The following PIP5K1B variants were observed in gnomAD, a reference collection of about 807,000 sequenced individuals.
PIP5K1B encodes phosphatidylinositol-4-phosphate 5-kinase type 1 beta, also known as phosphatidylinositol 4-phosphate 5-kinase type-1 beta.
PIP5K1B carries 42 observed loss-of-function variants against 67.0 expected under a neutral mutation model. The observed-to-expected ratio is 0.63, with a 90% CI of 0.49 to 0.81. The LOEUF is 0.81. Among genes scored for constraint, PIP5K1B ranks in the 30% least tolerant of loss-of-function variants. PIP5K1B has a pLI of 0.00. For synonymous variants in PIP5K1B, 214 were observed against 231.4 expected (o/e 0.92, Z 0.68); for missense variants, 459 against 646.3 (o/e 0.71, Z 3.14).
At chr9:68,950,175 G>T (rs1321412942) in intron 14 of PIP5K1B, among the ~76,000 whole-genome samples, 1 of 152,048 alleles carries the variant, frequency 6.6e-6, no homozygotes, top group Non-Finnish European at 1.5e-5. Context: ...GCAGCTATTC[G>T]TGACCTCCCT....
chr9:68,919,384 A>T (rs1826255204), intron 9 of PIP5K1B, 95 bp from the exon 10 acceptor site: 1 of 631,550 alleles, frequency 1.6e-6, no homozygotes, highest in Non-Finnish European at 2.7e-6. Context: ...AAAAATTGTC[A>T]ATTTTTATTT....
chr9:68,763,024 T>C (rs1366890952), intron 2 of PIP5K1B, among the ~76,000 whole-genome samples: 1 of 152,084 alleles, frequency 6.6e-6, no homozygotes, highest in Non-Finnish European at 1.5e-5. Flanking sequence ...ACAAACAGAC[T>C]CATGTTATGT....
At chr9:68,796,036 A>T (rs1832272742) in intron 2 of PIP5K1B, among the ~76,000 whole-genome samples, 2 of 152,246 alleles carry the variant, frequency 1.3e-5, no homozygotes, top group Admixed American at 1.3e-4. Context: ...AAGCAAAAGT[A>T]GTACACTTCA....
intron 2 of PIP5K1B, among the ~76,000 whole-genome samples, chr9:68,804,962 A>T (rs182094218): frequency 1.3e-5 from 2 of 152,372 alleles, no homozygotes; most frequent in East Asian, 3.9e-4. Flanking sequence ...GAGCACATGC[A>T]GTCCAGGGTC....
chr9:68,715,571 C>G (rs949503048), intron 1 of PIP5K1B, among the ~76,000 whole-genome samples: 3 of 152,156 alleles, frequency 2.0e-5, no homozygotes, highest in African/African-American at 7.2e-5. Context: ...ACCAGTGGTT[C>G]CCTCTCCAGG....
rs55897616 is a variant in PIP5K1B at position 68,934,931 on chromosome 9, G to C, written c.1243G>C (p.Ala415Pro). ...GTCTAAGAAACGGTGCAATTCAATCGCCGCCCTAAAGGCCACTTCACAGGA... is the reference window on the plus strand; with the variant it reads ...GTCTAAGAAACGGTGCAATTCAATCCCCGCCCTAAAGGCCACTTCACAGGA... The part of the protein sequence containing the change: ...SPSKKRCNSI[A>P]ALKATSQEIV... The change falls in exon 13 of 16, where the codon GCC (alanine) becomes CCC (proline). Residue 415 changes from alanine (A) to proline (P), a missense_variant. Coordinates refer to ENST00000265382, the MANE Select transcript of PIP5K1B (RefSeq NM_003558.4). 6.2e-7 allele frequency: 1 copy of C among 1,612,560 alleles called. No individual in the cohort carries two copies. Among genetic ancestry groups the C allele is most frequent in the East Asian group, 2.2e-5 (1 of 44,790 alleles).
chr9:68,827,966 A>G (rs1185407015), intron 4 of PIP5K1B, among the ~76,000 whole-genome samples: 1 of 152,192 alleles, frequency 6.6e-6, no homozygotes, highest in Admixed American at 6.5e-5. Flanking sequence ...CCTCTCCAAA[A>G]CAAACAGATG....
rs898614356 is a variant in PIP5K1B at position 68,990,706 on chromosome 9, C to T, written c.1503-434C>T. Among the ~76,000 whole-genome samples the T allele has an allele frequency of 9.9e-5, 15 of 151,200 alleles. 1 individual carries two copies. Among genetic ancestry groups the T allele is most frequent in the Admixed American group, 4.6e-4 (7 of 15,140 alleles). On this transcript the variant is annotated intron_variant, in intron 14 of 15. Transcript: ENST00000265382. Reference sequence around the variant, plus strand: ...TTGAGACAGAGTCTCACTTTGTTGCCGGGCTAGAGTGCAGTGGTGCGATCT... The same window carrying T: ...TTGAGACAGAGTCTCACTTTGTTGCTGGGCTAGAGTGCAGTGGTGCGATCT...
intron 5 of PIP5K1B, among the ~76,000 whole-genome samples, chr9:68,868,922 G>A (rs1199117887): frequency 4.6e-5 from 7 of 152,102 alleles, no homozygotes; most frequent in Non-Finnish European, 1.0e-4. Flanking sequence ...TATTTGGACA[G>A]CCAGGGAATA....
At chr9:68,997,816 T>C (rs771980765) in intron 15 of PIP5K1B, among the ~76,000 whole-genome samples, 1 of 152,106 alleles carries the variant, frequency 6.6e-6, no homozygotes, top group Non-Finnish European at 1.5e-5. Flanking sequence ...AGGTCACCCA[T>C]AGGATTTTTT....
intron 12 of PIP5K1B, among the ~76,000 whole-genome samples, chr9:68,933,139 A>G (rs551788544): frequency 6.6e-6 from 1 of 152,128 alleles, no homozygotes; most frequent in African/African-American, 2.4e-5. Flanking sequence ...TTAAAATACT[A>G]TATTGAAAGA....
At chr9:68,757,910 C>T (rs984106952) in intron 2 of PIP5K1B, among the ~76,000 whole-genome samples, 2 of 151,996 alleles carry the variant, frequency 1.3e-5, no homozygotes, top group African/African-American at 4.8e-5. Context: ...TTTGAGGACC[C>T]TGAAAAGTAA....
intron 7 of PIP5K1B, 118 bp downstream of exon 7, chr9:68,889,251 A>C: frequency 1.4e-6 from 1 of 736,012 alleles, no homozygotes. Flanking sequence ...GGTAAGCTTT[A>C]TTCTGCATTT....
chr9:68,803,457 C>T (rs757612213), intron 2 of PIP5K1B, among the ~76,000 whole-genome samples: 1 of 152,158 alleles, frequency 6.6e-6, no homozygotes, highest in African/African-American at 2.4e-5. Context: ...AAGGTGGAAG[C>T]CTGCCAGAGA....
chr9:68,806,494 A>G (rs1382138865), intron 2 of PIP5K1B, among the ~76,000 whole-genome samples: 1 of 151,948 alleles, frequency 6.6e-6, no homozygotes, highest in East Asian at 1.9e-4. Context: ...AAGCAATATT[A>G]TTTTTACAAT....
intron 2 of PIP5K1B, among the ~76,000 whole-genome samples, chr9:68,768,758 G>C (rs1434139631): frequency 6.6e-6 from 1 of 152,214 alleles, no homozygotes; most frequent in African/African-American, 2.4e-5. Context: ...CAGCTGTTGG[G>C]TGGAATTGAG....
At chr9:68,964,653 A>G (rs1284586188) in intron 14 of PIP5K1B, among the ~76,000 whole-genome samples, 2 of 152,264 alleles carry the variant, frequency 1.3e-5, no homozygotes, top group South Asian at 2.1e-4. Context: ...ATTGTTCTAT[A>G]TAAGGAAGAG....
chr9:68,881,908 C>A (rs1230464562), intron 6 of PIP5K1B, among the ~76,000 whole-genome samples: 1 of 152,170 alleles, frequency 6.6e-6, no homozygotes, highest in East Asian at 1.9e-4. Context: ...TTCAGGCTCA[C>A]CTGCGCCAAT....
At chr9:68,806,386 C>G (rs929154976) in intron 2 of PIP5K1B, among the ~76,000 whole-genome samples, 33 of 152,234 alleles carry the variant, frequency 2.2e-4, no homozygotes, top group African/African-American at 7.5e-4. Flanking sequence ...CAGCTCTGCC[C>G]TGGTCTTTCA....
Sources: gnomAD v4.1 joint callset for allele counts (sites outside exome capture counted in the v4.1 genomes callset) on GRCh38, gnomAD v4.1.1 for gene constraint, MANE v1.5 for transcripts, NCBI Gene and HGNC (gene_info 2026-07-23, HGNC 2026-07-21) for gene names.